Variants in THTPA observed in about 807,000 individuals in gnomAD.
THTPA encodes thiamine-triphosphatase.
THTPA carries 16 observed loss-of-function variants against 16.5 expected under a neutral mutation model. The observed-to-expected ratio is 0.97, with a 90% CI of 0.66 to 1.47. THTPA has a LOEUF of 1.47. Among genes scored for constraint, THTPA ranks in the 40% most tolerant of loss-of-function variants. The pLI, the probability that THTPA is intolerant of heterozygous loss-of-function variation, is 0.00. For missense variants in THTPA, 281 were observed against 280.9 expected, an observed-to-expected ratio of 1.00 and a Z score of 0.00; for synonymous variants, 110 against 115.5, an observed-to-expected ratio of 0.95 and a Z score of 0.30.
At chr14:23,525,514 AC>A in the THTPA span, 1 of 1,535,112 alleles carries the variant, frequency 6.5e-7, no homozygotes, top group Non-Finnish European at 8.7e-7. This position sits in a 1 kb window ranked among gnomAD's most constrained non-coding sequence, Gnocchi z 5.9. Flanking sequence ...GCTTGTCCCC[AC>A]CCCCGAGGGC....
At chr14:23,532,419 C>G in the THTPA span, 7 of 961,832 alleles carry the variant, frequency 7.3e-6, no homozygotes, top group Non-Finnish European at 7.1e-6. Context: ...ACTTTGTTAC[C>G]CTGGTACATA....
chr14:23,544,015 G>T, the THTPA span: 1 of 152,140 alleles, frequency 6.6e-6, no homozygotes, highest in Admixed American at 6.6e-5. Flanking sequence ...ACTTTGGGAG[G>T]CCGAGGTGGG....
chr14:23,557,112 G>T lies in THTPA; in HGVS notation c.355G>T (p.Ala119Ser). 1 of 1,614,230 alleles carries T rather than the reference G, an allele frequency of 6.2e-7. No homozygotes were observed. The highest frequency in any genetic ancestry group is 8.5e-7 in the Non-Finnish European group (1 of 1,180,044). The change falls in exon 1 of 2, where the codon GCT becomes TCT. Residue 119 changes from alanine to serine, a missense_variant. Transcript: ENST00000288014. ...GGGCCCACTGGGGCTGCAGGAAGTAGCTAGTTTTGTGACTAAGCGGAGTGC... is the reference window on the plus strand; with the variant it reads ...GGGCCCACTGGGGCTGCAGGAAGTATCTAGTTTTGTGACTAAGCGGAGTGC... ...VLGPLGLQEVASFVTKRSAWK... is the reference protein window; with the variant it reads ...VLGPLGLQEVSSFVTKRSAWK...
the THTPA span, chr14:23,520,732 A>G: frequency 6.8e-6 from 1 of 146,572 alleles, no homozygotes; most frequent in Admixed American, 6.8e-5. This position sits in a 1 kb window ranked among gnomAD's most constrained non-coding sequence, Gnocchi z 8.7. Context: ...CACCAGACCC[A>G]TAGCAAGGAG....
At chr14:23,541,107 T>C in the THTPA span, among the ~76,000 whole-genome samples, 1 of 151,982 alleles carries the variant, frequency 6.6e-6, no homozygotes, top group Non-Finnish European at 1.5e-5. Context: ...GGTTTCACCA[T>C]GTTGGCCAGG....
At chr14:23,530,305 G>T in the THTPA span, 1 of 824,898 alleles carries the variant, frequency 1.2e-6, no homozygotes, top group Non-Finnish European at 2.0e-6. Flanking sequence ...GAAAATGGAT[G>T]GCTCAATCAG....
the THTPA span, chr14:23,525,413 T>C: frequency 6.5e-7 from 1 of 1,536,144 alleles, no homozygotes; most frequent in Non-Finnish European, 8.7e-7. This position sits in a 1 kb window ranked among gnomAD's most constrained non-coding sequence, Gnocchi z 5.9. Context: ...GCTCAGGGCT[T>C]CAAAGGGCAG....
chr14:23,548,976 T>C, the THTPA span, among the ~76,000 whole-genome samples: 8 of 152,200 alleles, frequency 5.3e-5, no homozygotes, highest in South Asian at 1.7e-3. Context: ...GCAGCTCTGA[T>C]CTGCCTCAGC....
chr14:23,529,281 C>T, the THTPA span: 1 of 191,382 alleles, frequency 5.2e-6, no homozygotes, highest in Non-Finnish European at 1.1e-5. Flanking sequence ...TAAGAGGATG[C>T]CAGGACAGTT....
chr14:23,534,715 T>A, the THTPA span: 7 of 1,536,188 alleles, frequency 4.6e-6, no homozygotes, highest in South Asian at 7.1e-5. This position sits in a 1 kb window ranked among gnomAD's most constrained non-coding sequence, Gnocchi z 4.5. Flanking sequence ...GAAAGCTCCA[T>A]GCCTTTCCTC....
the THTPA span, chr14:23,524,403 C>T: frequency 6.5e-7 from 1 of 1,536,238 alleles, no homozygotes; most frequent in Non-Finnish European, 8.7e-7. This position sits in a 1 kb window ranked among gnomAD's most constrained non-coding sequence, Gnocchi z 5.6. Context: ...CCTCCTCCCC[C>T]TGCTTCACTG....
chr14:23,541,147 C>T, the THTPA span, among the ~76,000 whole-genome samples: 2 of 152,056 alleles, frequency 1.3e-5, no homozygotes, highest in African/African-American at 4.8e-5. Flanking sequence ...CTCAGGTGAT[C>T]CACCTGCCTT....
chr14:23,523,306 CATGGAGGCAGGT>C, the THTPA span: 5 of 1,448,860 alleles, frequency 3.5e-6, no homozygotes, highest in Non-Finnish European at 4.5e-6. This position sits in a 1 kb window ranked among gnomAD's most constrained non-coding sequence, Gnocchi z 4.1. Context: ...CCCCGAGGGG[CATGGAGGCAGGT>C]GTGGTGGCAG....
chr14:23,554,714 C>G (rs1297211357), upstream of THTPA, among the ~76,000 whole-genome samples: 2 of 152,052 alleles, frequency 1.3e-5, no homozygotes, highest in African/African-American at 4.8e-5. Flanking sequence ...AAACCAGTGT[C>G]CTTCTCCCTA....
chr14:23,559,493 C>T lies in THTPA; in HGVS notation c.*653C>T, dbSNP rs1022112561. 1.7e-5 allele frequency: 8 copies of T among 465,346 alleles called. No individual in the cohort carries two copies. The highest frequency in any genetic ancestry group is 3.2e-5 in the Non-Finnish European group (8 of 252,740). 28.8% of individuals were successfully genotyped at this position (465,346 alleles called of 1,614,324 possible). On this transcript the variant is annotated 3_prime_UTR_variant, in exon 2 of 2. Transcript: ENST00000288014. ...GGTTCTCAAGGCTCAGGGGAAGATGCATACCTCCTATGTAAGAATGCTCTT... is the reference window on the plus strand; with the variant it reads ...GGTTCTCAAGGCTCAGGGGAAGATGTATACCTCCTATGTAAGAATGCTCTT...
the THTPA span, among the ~76,000 whole-genome samples, chr14:23,520,376 C>T: frequency 7.1e-6 from 1 of 140,076 alleles, no homozygotes. The surrounding 1 kb of genome is among the most constrained non-coding windows in gnomAD (Gnocchi z 8.7). Context: ...AACAAGGGAC[C>T]CAGCAAAGGT....
chr14:23,521,285 A>T, the THTPA span: 2 of 152,424 alleles, frequency 1.3e-5, no homozygotes, highest in Non-Finnish European at 1.5e-5. Context: ...AGAGTGAACC[A>T]GAAGCACTTC....
Position 23,558,962 on chromosome 14 carries a change from G to A in THTPA, c.*122G>A. The A allele has an allele frequency of 5.8e-6, 7 of 1,214,716 alleles. No individual in the cohort carries two copies. Among genetic ancestry groups the A allele is most frequent in the Non-Finnish European group, 6.8e-6 (6 of 878,934 alleles). The allele number at this position is 1,214,716 out of a possible 1,614,324, so 75.2% of individuals were successfully genotyped here. On this transcript the variant is annotated 3_prime_UTR_variant, in exon 2 of 2. Coordinates refer to ENST00000288014, the MANE Select transcript of THTPA (RefSeq NM_024328.6). ...GACTCCTCTCTCTCCAGCGCTGCCT[G>A]TTTCTTCCCCCTCCTCTAAGCTACT...
the THTPA span, among the ~76,000 whole-genome samples, chr14:23,541,557 G>A: frequency 9.2e-5 from 14 of 152,146 alleles, no homozygotes; most frequent in African/African-American, 3.4e-4. Context: ...AAAGTGCTGG[G>A]ATTACAGGCC....
Sources: gnomAD v4.1 joint callset for allele counts (sites outside exome capture counted in the v4.1 genomes callset) on GRCh38, gnomAD v4.1.1 for gene constraint, Gnocchi (gnomAD v3.1) non-coding constraint, MANE v1.5 for transcripts, NCBI Gene and HGNC (gene_info 2026-07-23, HGNC 2026-07-21) for gene names.